KRT82: variants seen among roughly 807,000 people sequenced by gnomAD.
KRT82 encodes keratin, type II cuticular Hb2.
Under a neutral mutation model 48.0 loss-of-function variants are expected in KRT82, and 44 were observed. That is an observed-to-expected ratio of 0.92 (90% confidence interval 0.72 to 1.18). The LOEUF (loss-of-function observed/expected upper bound fraction) is 1.18. KRT82 is among the 50% of genes most tolerant of loss of function. The pLI, the probability that KRT82 is intolerant of heterozygous loss-of-function variation, is 0.00. For synonymous variants in KRT82, 297 were observed against 278.3 expected, an observed-to-expected ratio of 1.07 and a Z score of -0.67; for missense variants, 701 against 671.4, an observed-to-expected ratio of 1.04 and a Z score of -0.49.
intron 2 of KRT82, 126 bp from the exon 3 acceptor site, chr12:52,401,475 C>T: frequency 3.5e-6 from 3 of 857,688 alleles, no homozygotes; most frequent in Non-Finnish European, 5.7e-6. Context: ...TGCCCAGGTC[C>T]AGCCCTGTCT....
chr12:52,398,885 C>T (rs972531993), intron 5 of KRT82, among the ~76,000 whole-genome samples: 2 of 152,196 alleles, frequency 1.3e-5, no homozygotes, highest in Non-Finnish European at 2.9e-5. Context: ...ATCTCCACAG[C>T]ACATGGCACT....
Position 52,394,704 on chromosome 12 carries a change from G to A in KRT82, c.*271C>T, listed in dbSNP as rs1000446589. 1.3e-5 allele frequency: 7 copies of A among 529,836 alleles called. No homozygotes were observed. Among genetic ancestry groups the A allele is most frequent in the African/African-American group, 9.5e-5 (5 of 52,626 alleles). 32.8% of individuals were successfully genotyped at this position (529,836 alleles called of 1,614,324 possible). On this transcript the variant is annotated 3_prime_UTR_variant, in exon 9 of 9. Transcript: ENST00000257974. ...CTTTTGGGGGTTATTGCCATTCTGC[G>A]GTTAAGAGCAATGCATGCTCTTTCT...
In KRT82 at chr12:52,396,252, A is replaced by G. The variant is rs1478125799; in HGVS notation, c.1069-20T>C. On this transcript the variant is annotated intron_variant, in intron 6 of 8. Coordinates refer to ENST00000257974, the MANE Select transcript of KRT82 (RefSeq NM_033033.4). ...GCAGCGCTGTGGGAGGGGCGCAGAA[A>G]AGCATCACTGGGGGCCCTGGAGCCC... 1 of 1,601,078 alleles carries G rather than the reference A, an allele frequency of 6.2e-7. No individual in the cohort carries two copies. The highest frequency in any genetic ancestry group is 1.1e-5 in the South Asian group (1 of 90,154).
At chr12:52,401,479 C>T in intron 2 of KRT82, 130 bp from the exon 3 acceptor site, 1 of 800,972 alleles carries the variant, frequency 1.2e-6, no homozygotes, top group African/African-American at 1.7e-5. Flanking sequence ...CAGGTCCAGC[C>T]CTGTCTTGGC....
At position 52,396,082 on chromosome 12, in the gene KRT82, T is replaced by A; in HGVS notation, c.1219A>T (p.Met407Leu). ...ACLLKEYQEVMNSKLGLDIEI... is the reference protein window; with the variant it reads ...ACLLKEYQEVLNSKLGLDIEI... ...ATGTCCAGGCCCAGCTTGGAGTTCATCACCTCCTGATATTCCTTGAGCAGG... is the reference window on the plus strand; with the variant it reads ...ATGTCCAGGCCCAGCTTGGAGTTCAACACCTCCTGATATTCCTTGAGCAGG... The change falls in exon 7 of 9, where the codon ATG becomes TTG. Residue 407 changes from methionine (M) to leucine (L), a missense_variant. By Grantham distance (15) the Met-to-Leu change is conservative. Coordinates refer to ENST00000257974, the MANE Select transcript of KRT82 (RefSeq NM_033033.4). 1.2e-6 allele frequency: 2 copies of A among 1,614,208 alleles called. No homozygotes were observed. Among genetic ancestry groups the A allele is most frequent in the Non-Finnish European group, 1.7e-6 (2 of 1,180,044 alleles).
Position 52,400,524 on chromosome 12 carries a change from T to C in KRT82, c.777+3A>G, listed in dbSNP as rs368769356. On this transcript the variant is annotated splice_donor_region_variant and intron_variant, in intron 4 of 8. Coordinates refer to ENST00000257974, the MANE Select transcript of KRT82 (RefSeq NM_033033.4). The stretch of plus-strand genomic sequence containing the variant: ...AACCACCCAAGGTCAGGGCTGTGGG[T>C]ACCTCCTCATACAGGCTTTTCAGGA... 3.1e-6 allele frequency: 5 copies of C among 1,611,806 alleles called. No individual in the cohort carries two copies. The highest frequency in any genetic ancestry group is 4.2e-6 in the Non-Finnish European group (5 of 1,177,856).
chr12:52,403,111 C>T (rs2121481857), intron 2 of KRT82, among the ~76,000 whole-genome samples: 1 of 152,286 alleles, frequency 6.6e-6, no homozygotes, highest in East Asian at 1.9e-4. Context: ...AGCTCATCCT[C>T]AGGGGGAGCA....
rs377100739 is a variant in KRT82 at position 52,405,985 on chromosome 12, T to C, written c.293A>G (p.Asn98Ser). The C allele has an allele frequency of 2.8e-5, 46 of 1,614,078 alleles. No individual in the cohort carries two copies. In the East Asian group the frequency reaches 3.8e-4, roughly 13 times the overall value. Residue 98 changes from asparagine (N) to serine (S), a missense_variant, in exon 1 of 9, where the codon AAT becomes AGT. Asn to Ser is a conservative substitution (Grantham distance 46). Transcript: ENST00000257974. The stretch of plus-strand genomic sequence containing the variant: ...TGCCAGTGGGACCAGCAGGCTCTCA[T>C]TGATGGTGACAGGGGTGATGCAGGC... ...PSACITPVTI[N>S]ESLLVPLALE...
At chr12:52,397,931 C>G (rs946681928) in intron 5 of KRT82, among the ~76,000 whole-genome samples, 7 of 152,166 alleles carry the variant, frequency 4.6e-5, no homozygotes, top group African/African-American at 1.7e-4. Context: ...CTTATAATCC[C>G]AGCTACTTGG....
chr12:52,397,204 A>C (rs1939728185), intron 5 of KRT82, among the ~76,000 whole-genome samples, 196 bp from the exon 6 acceptor site: 1 of 151,894 alleles, frequency 6.6e-6, no homozygotes, highest in South Asian at 2.1e-4. Context: ...CCTGATTCCC[A>C]TCTCACCCCA....
At chr12:52,404,136 C>T (rs1198027218) in intron 1 of KRT82, among the ~76,000 whole-genome samples, 3 of 152,180 alleles carry the variant, frequency 2.0e-5, no homozygotes, top group African/African-American at 7.2e-5. Context: ...TCAGAGGTTG[C>T]GTGTTGTAGT....
At chr12:52,395,953 G>C (rs983277780) in intron 7 of KRT82, 59 bp downstream of exon 7, 1 of 1,604,950 alleles carries the variant, frequency 6.2e-7, no homozygotes, top group Middle Eastern at 1.7e-4. Context: ...CGCCACCAGA[G>C]GGCTGGGTAA....
intron 5 of KRT82, 127 bp downstream of exon 5, chr12:52,399,858 G>C: frequency 1.1e-6 from 1 of 945,474 alleles, no homozygotes; most frequent in Middle Eastern, 3.0e-4. Context: ...GGGATTCCCT[G>C]TGTCTGTGGC....
In KRT82 at chr12:52,396,900, C is replaced by G. The variant is rs142275778; in HGVS notation, c.1051G>C (p.Glu351Gln). The G allele has an allele frequency of 3.1e-6, 5 of 1,614,002 alleles. No homozygotes were observed. Among genetic ancestry groups the G allele is most frequent in the Non-Finnish European group, 4.2e-6 (5 of 1,180,012 alleles). The part of the protein sequence containing the change: ...KLIQRLQQET[E>Q]NVKAQRCKLE... ...AGCCTCACCTGGGCTTTGACATTCT[C>G]GGTTTCTTGCTGCAGCCGCTGGATC... The change falls in exon 6 of 9, where the codon GAG becomes CAG. Residue 351 changes from glutamate to glutamine, a missense_variant. Transcript: ENST00000257974.
At chr12:52,399,546 C>T (rs913539718) in intron 5 of KRT82, among the ~76,000 whole-genome samples, 15 of 152,232 alleles carry the variant, frequency 9.9e-5, no homozygotes, top group African/African-American at 3.4e-4. Context: ...ATTATTAAGT[C>T]TGAGGCCATC....
At position 52,401,358 on chromosome 12, in the gene KRT82, A is replaced by T. The variant is rs1189848570; in HGVS notation, c.621-9T>A. ...AGAGCTCCTCTTCGTATCTGATGGA[A>T]AAGGCAGGAAAAAATGCTTTAGTCG... On this transcript the variant is annotated splice_polypyrimidine_tract_variant and intron_variant, in intron 2 of 8. Coordinates refer to ENST00000257974, the MANE Select transcript of KRT82 (RefSeq NM_033033.4). The T allele has an allele frequency of 1.2e-6, 2 of 1,613,862 alleles. No homozygotes were observed. Among genetic ancestry groups the T allele is most frequent in the Non-Finnish European group, 1.7e-6 (2 of 1,179,872 alleles).
At chr12:52,401,081 G>C (rs1247290388) in intron 3 of KRT82, among the ~76,000 whole-genome samples, 1 of 152,156 alleles carries the variant, frequency 6.6e-6, no homozygotes, top group East Asian at 1.9e-4. Flanking sequence ...CCAATGGCTG[G>C]CCTTTTGCAA....
In KRT82 at chr12:52,394,735, G is replaced by T; in HGVS notation, c.*240C>A. 1 of 582,206 alleles carries T rather than the reference G, an allele frequency of 1.7e-6. No individual in the cohort carries two copies. 36.1% of individuals were successfully genotyped at this position (582,206 alleles called of 1,614,324 possible). ...GAGCAATGCATGCTCTTTCTCTGCC[G>T]TCTGTCCCCACCATCTGGGCCTAGC... On this transcript the variant is annotated 3_prime_UTR_variant, in exon 9 of 9. Transcript: ENST00000257974.
chr12:52,397,759 A>G (rs1939734271), intron 5 of KRT82, among the ~76,000 whole-genome samples: 1 of 152,072 alleles, frequency 6.6e-6, no homozygotes, highest in African/African-American at 2.4e-5. Flanking sequence ...TTAAAACAGA[A>G]CCCCTGGCTG....
Sources: gnomAD v4.1 joint callset for allele counts (sites outside exome capture counted in the v4.1 genomes callset) on GRCh38, gnomAD v4.1.1 for gene constraint, MANE v1.5 for transcripts, NCBI Gene and HGNC (gene_info 2026-07-23, HGNC 2026-07-21) for gene names.